The following PRR16 variants were observed in gnomAD, a reference collection of about 807,000 sequenced individuals.
The protein encoded by PRR16 is proline rich 16.
PRR16 carries 6 observed loss-of-function variants against 18.2 expected under a neutral mutation model. The ratio of observed to expected loss-of-function variants is 0.33; its 90% CI spans 0.18 to 0.65. The LOEUF (loss-of-function observed/expected upper bound fraction) is 0.65, where lower values mean the gene tolerates loss of function less well. Ranked by LOEUF, PRR16 falls within the 30% of genes least tolerant of loss-of-function variation. The pLI, the probability that PRR16 is intolerant of heterozygous loss-of-function variation, is 0.74. For synonymous variants in PRR16, 151 were observed against 147.8 expected, an observed-to-expected ratio of 1.02 and a Z score of -0.16; for missense variants, 412 against 376.6, an observed-to-expected ratio of 1.09 and a Z score of -0.78.
At chr5:120,495,191 C>T (rs1168248851) in intron 1 of PRR16, among the ~76,000 whole-genome samples, 2 of 151,960 alleles carry the variant, frequency 1.3e-5, no homozygotes, top group Non-Finnish European at 2.9e-5. Flanking sequence ...GTTAAATCTT[C>T]TTATCCATGA....
chr5:120,794,429 C>T, the PRR16 span, among the ~76,000 whole-genome samples: 187 of 152,166 alleles, frequency 1.2e-3, 3 homozygotes, highest in South Asian at 4.4e-3. Context: ...TACGCTATTT[C>T]AAGCATATGC....
At chr5:120,602,135 A>C (rs556849637) in intron 1 of PRR16, among the ~76,000 whole-genome samples, 1 of 152,172 alleles carries the variant, frequency 6.6e-6, no homozygotes, top group South Asian at 2.1e-4. Context: ...ATAACATTGA[A>C]TCTGTAAATT....
chr5:120,730,735 G>T, the PRR16 span, among the ~76,000 whole-genome samples: 1 of 152,078 alleles, frequency 6.6e-6, no homozygotes, highest in Non-Finnish European at 1.5e-5. Flanking sequence ...ATAAGTGAAG[G>T]TATGAAATAT....
At chr5:120,540,999 A>G (rs1481508952) in intron 1 of PRR16, among the ~76,000 whole-genome samples, 1 of 152,246 alleles carries the variant, frequency 6.6e-6, no homozygotes, top group African/African-American at 2.4e-5. Context: ...AAATGCATTT[A>G]GACGTACACA....
chr5:120,464,744 T>A, intron 1 of PRR16, 99 bp downstream of exon 1: 3 of 1,322,652 alleles, frequency 2.3e-6, no homozygotes, highest in Non-Finnish European at 3.0e-6. Flanking sequence ...TCCAAACTCC[T>A]GGGAAACTAC....
chr5:120,758,205 G>C, the PRR16 span, among the ~76,000 whole-genome samples: 1 of 152,018 alleles, frequency 6.6e-6, no homozygotes, highest in Admixed American at 6.6e-5. Context: ...TATTTATTAT[G>C]AAATATGTTA....
At chr5:120,781,859 G>C in the PRR16 span, among the ~76,000 whole-genome samples, 1 of 151,940 alleles carries the variant, frequency 6.6e-6, no homozygotes, top group Non-Finnish European at 1.5e-5. Context: ...TCAAGTATTT[G>C]AATATTGTAG....
chr5:120,599,647 AATTTCTTAACAT>A (rs1753919260), intron 1 of PRR16, among the ~76,000 whole-genome samples: 1 of 151,786 alleles, frequency 6.6e-6, no homozygotes, highest in African/African-American at 2.4e-5. Flanking sequence ...ATTAGCATTC[AATTTCTTAACAT>A]GTATTATCGT....
At chr5:120,613,022 C>A (rs1198212770) in intron 1 of PRR16, among the ~76,000 whole-genome samples, 1 of 151,956 alleles carries the variant, frequency 6.6e-6, no homozygotes, top group Non-Finnish European at 1.5e-5. Flanking sequence ...ACTTATTGGG[C>A]AAAGACAAAT....
chr5:120,582,524 A>C (rs2112757742), intron 1 of PRR16, among the ~76,000 whole-genome samples: 1 of 152,204 alleles, frequency 6.6e-6, no homozygotes, highest in East Asian at 1.9e-4. Flanking sequence ...TTAAGAACCA[A>C]AGCAAAACAA....
chr5:120,682,992 C>G (rs1197201009), intron 1 of PRR16, among the ~76,000 whole-genome samples: 1 of 152,044 alleles, frequency 6.6e-6, no homozygotes, highest in Non-Finnish European at 1.5e-5. Context: ...GTTAACCTGA[C>G]TAAGAGAAGA....
chr5:120,639,870 C>T (rs1215088360), intron 1 of PRR16, among the ~76,000 whole-genome samples: 1 of 151,716 alleles, frequency 6.6e-6, no homozygotes, highest in Non-Finnish European at 1.5e-5. Context: ...TTCATAATAG[C>T]AAAGACATGG....
chr5:120,694,826 T>A, the PRR16 span, among the ~76,000 whole-genome samples: 1 of 152,190 alleles, frequency 6.6e-6, no homozygotes, highest in Non-Finnish European at 1.5e-5. Context: ...TTCGTGAAAC[T>A]AAAGTCTAAT....
At chr5:120,511,005 C>G (rs1016124985) in intron 1 of PRR16, among the ~76,000 whole-genome samples, 1 of 152,132 alleles carries the variant, frequency 6.6e-6, no homozygotes, top group Non-Finnish European at 1.5e-5. Context: ...ATCTCAGAAA[C>G]CTGACTTATT....
the PRR16 span, among the ~76,000 whole-genome samples, chr5:120,699,961 C>T: frequency 3.3e-5 from 5 of 152,188 alleles, no homozygotes; most frequent in South Asian, 1.0e-3. Flanking sequence ...AGCTTTGCAG[C>T]AGTACAGCCT....
chr5:120,493,209 C>T (rs953759337), intron 1 of PRR16, among the ~76,000 whole-genome samples: 1 of 152,192 alleles, frequency 6.6e-6, no homozygotes, highest in African/African-American at 2.4e-5. Context: ...ACCACATCTA[C>T]ACCAACATCA....
intron 1 of PRR16, among the ~76,000 whole-genome samples, chr5:120,548,210 T>C (rs112375199): frequency 1.3e-5 from 2 of 152,126 alleles, no homozygotes; most frequent in African/African-American, 4.8e-5. Context: ...AAACTGTACC[T>C]ACTTCTCAGT....
At chr5:120,541,286 C>A (rs959475764) in intron 1 of PRR16, among the ~76,000 whole-genome samples, 2 of 152,156 alleles carry the variant, frequency 1.3e-5, no homozygotes, top group South Asian at 4.1e-4. Flanking sequence ...GCTGGGATTA[C>A]AGGCACATGC....
intron 1 of PRR16, among the ~76,000 whole-genome samples, chr5:120,572,419 T>C (rs1383781017): frequency 6.6e-6 from 1 of 152,200 alleles, no homozygotes; most frequent in African/African-American, 2.4e-5. Context: ...ATTTTTGTAT[T>C]TCAACAACTG....
Sources: allele counts gnomAD v4.1 joint callset (sites outside exome capture counted in the v4.1 genomes callset), GRCh38; gene constraint gnomAD v4.1.1; transcripts MANE v1.5; gene names NCBI Gene and HGNC (gene_info 2026-07-23, HGNC 2026-07-21).